The following CDH12 variants were observed in gnomAD, a reference collection of about 807,000 sequenced individuals.
CDH12 encodes cadherin 12, also known as cadherin-12.
A neutral mutation model predicts 74.1 loss-of-function variants in CDH12; 41 were observed. That is an observed-to-expected ratio of 0.55 (90% CI 0.43 to 0.72). The LOEUF (loss-of-function observed/expected upper bound fraction) is 0.72. CDH12 is among the 30% of genes least tolerant of loss of function. CDH12 has a pLI of 0.00. For missense variants in CDH12, 945 were observed against 977.2 expected (o/e 0.97, Z 0.44); for synonymous variants, 399 against 355.0 (o/e 1.12, Z -1.39).
chr5:22,028,970 G>T lies in CDH12; in HGVS notation c.231+49476C>A, dbSNP rs559211777. On this transcript the variant is annotated intron_variant, in intron 5 of 14. Transcript: ENST00000382254. Reference sequence around the variant, plus strand: ...AGAAATAACGCCACATATCTACAGCGATCTGATCTTTGACAAACCTGAGAA... The same window carrying T: ...AGAAATAACGCCACATATCTACAGCTATCTGATCTTTGACAAACCTGAGAA... Among the ~76,000 whole-genome samples the T allele has an allele frequency of 8.7e-4, 133 of 152,054 alleles. 3 individuals carry two copies. The South Asian group carries it at 0.022, about 25-fold the overall frequency.
At position 22,694,962 on chromosome 5, in the gene CDH12, G is replaced by A. The variant is rs1742274524; in HGVS notation, c.-523+158096C>T. On this transcript the variant is annotated intron_variant, in intron 1 of 14. Transcript: ENST00000382254. ...AGGTTTTAAGCCCCGCATGCATTAG[G>A]TATTTGTCCTAATGCTCTCCCTCCC... 4.6e-5 allele frequency among the ~76,000 whole-genome samples: 7 copies of A among 152,090 alleles called. No individual in the cohort carries two copies. The South Asian group carries it at 1.5e-3, about 32-fold the overall frequency.
At chr5:21,882,317 A>G (rs1456991274) in intron 6 of CDH12, among the ~76,000 whole-genome samples, 1 of 152,236 alleles carries the variant, frequency 6.6e-6, no homozygotes, top group East Asian at 1.9e-4. Flanking sequence ...AGGATGACGT[A>G]AAGCAATCAT....
chr5:21,883,921 T>A, intron 6 of CDH12: 2 of 1,608,716 alleles, frequency 1.2e-6, no homozygotes, highest in Non-Finnish European at 1.7e-6. Flanking sequence ...GGTTTTGCCC[T>A]CCTTCGATGC....
At chr5:22,768,978 G>A (rs982121408) in intron 1 of CDH12, among the ~76,000 whole-genome samples, 4 of 151,856 alleles carry the variant, frequency 2.6e-5, no homozygotes, top group African/African-American at 4.8e-5. Context: ...TCCTCTCTTC[G>A]CTTAGGTTGT....
chr5:22,343,303 CACACACACAG>C, intron 3 of CDH12, among the ~76,000 whole-genome samples: 1 of 134,410 alleles, frequency 7.4e-6, no homozygotes, highest in South Asian at 2.6e-4. Flanking sequence ...CACACACACA[CACACACACAG>C]ACACACACAC....
At chr5:22,436,989 CTTTAA>C (rs778624628) in intron 2 of CDH12, among the ~76,000 whole-genome samples, 14 of 152,042 alleles carry the variant, frequency 9.2e-5, no homozygotes, top group Admixed American at 2.0e-4. Flanking sequence ...AAAAGTCAGT[CTTTAA>C]TTTAATCTAT....
intron 4 of CDH12, among the ~76,000 whole-genome samples, chr5:22,158,906 A>G (rs1484597707): frequency 6.6e-6 from 1 of 152,134 alleles, no homozygotes; most frequent in East Asian, 1.9e-4. Context: ...GTGTCCCTTC[A>G]GCTTTGAAAT....
chr5:22,677,053 A>G (rs1741230283), intron 1 of CDH12, among the ~76,000 whole-genome samples: 1 of 152,150 alleles, frequency 6.6e-6, no homozygotes, highest in African/African-American at 2.4e-5. Flanking sequence ...AGAAATTCTG[A>G]CAAAAAAAGT....
At chr5:22,177,070 G>T (rs540214244) in intron 4 of CDH12, among the ~76,000 whole-genome samples, 7 of 152,046 alleles carry the variant, frequency 4.6e-5, no homozygotes, top group Non-Finnish European at 5.9e-5. Flanking sequence ...GACATAATAC[G>T]TATTTGTTTC....
At chr5:22,457,056 A>T (rs1353956163) in intron 2 of CDH12, among the ~76,000 whole-genome samples, 1 of 152,148 alleles carries the variant, frequency 6.6e-6, no homozygotes, top group Non-Finnish European at 1.5e-5. Context: ...GAAAGCAATC[A>T]AGCTTTCAGA....
Position 22,382,819 on chromosome 5 carries a change from C to CATTATT in CDH12, c.-333+22432_-333+22437dup, listed in dbSNP as rs10567578. Among the ~76,000 whole-genome samples the CATTATT allele has an allele frequency of 2.3e-4, 34 of 150,666 alleles. No homozygotes were observed. In the South Asian group the frequency reaches 3.2e-3, roughly 14 times the overall value. The stretch of plus-strand genomic sequence containing the variant: ...GACCTTGGACTAAATTTCATGTTAT[C>CATTATT]ATTATTATTATTATTATTATTATTT... On this transcript the variant is annotated intron_variant, in intron 3 of 14. Coordinates refer to ENST00000382254, the MANE Select transcript of CDH12 (RefSeq NM_004061.5).
At chr5:22,328,004 A>G (rs949312342) in intron 3 of CDH12, among the ~76,000 whole-genome samples, 7 of 152,230 alleles carry the variant, frequency 4.6e-5, no homozygotes, top group African/African-American at 1.7e-4. Flanking sequence ...GTGAGTGTGT[A>G]ATCTAAGAAT....
rs751199723 is a variant in CDH12 at position 22,813,626 on chromosome 5, TGAG to T, written c.-523+39429_-523+39431del. Among the ~76,000 whole-genome samples the T allele has an allele frequency of 3.3e-5, 5 of 152,076 alleles. No individual in the cohort carries two copies. In the East Asian group the frequency reaches 9.7e-4, roughly 29 times the overall value. The stretch of plus-strand genomic sequence containing the variant: ...TACATACAATTGTAAGCAATATTTC[TGAG>T]GAGATTTACTCTCCCCTGTTGGCCT... On this transcript the variant is annotated intron_variant, in intron 1 of 14. Coordinates refer to ENST00000382254, the MANE Select transcript of CDH12 (RefSeq NM_004061.5).
chr5:21,880,616 CTTCTTTCTTTCTTTCT>C lies in CDH12; in HGVS notation c.527-25842_527-25827del, dbSNP rs201513323. 9.5e-3 allele frequency among the ~76,000 whole-genome samples: 482 copies of C among 50,782 alleles called. 25 individuals carry two copies. Among genetic ancestry groups the C allele is most frequent in the African/African-American group, 0.014 (159 of 11,384 alleles). 33.3% of individuals were successfully genotyped at this position (50,782 alleles called of 152,430 possible). A position where few individuals can be genotyped will look rare whatever the true frequency, so the allele number is the denominator to read the frequency against. ...CCTTCCTTCCTTCCTTCCTTCCTTC[CTTCTTTCTTTCTTTCT>C]TTCTTTCTTTCTTTCTTTCTTTCTT... On this transcript the variant is annotated intron_variant, in intron 6 of 14. Transcript: ENST00000382254.
chr5:21,782,268 C>T (rs1212709509), intron 11 of CDH12, among the ~76,000 whole-genome samples: 3 of 152,138 alleles, frequency 2.0e-5, no homozygotes, highest in Non-Finnish European at 4.4e-5. Context: ...AGTGTTCCAA[C>T]GAGCAAGGCA....
chr5:22,774,992 A>C (rs973355841), intron 1 of CDH12, among the ~76,000 whole-genome samples: 4 of 151,844 alleles, frequency 2.6e-5, no homozygotes, highest in African/African-American at 9.7e-5. Context: ...AATAAAAGTC[A>C]CAATTATAAA....
chr5:22,459,269 G>A (rs930382102), intron 2 of CDH12, among the ~76,000 whole-genome samples: 1 of 151,912 alleles, frequency 6.6e-6, no homozygotes, highest in Non-Finnish European at 1.5e-5. Flanking sequence ...ATATTTAAAT[G>A]AGTATAAGTA....
At chr5:21,890,925 T>C (rs936645053) in intron 6 of CDH12, among the ~76,000 whole-genome samples, 2 of 151,882 alleles carry the variant, frequency 1.3e-5, no homozygotes, top group African/African-American at 4.8e-5. Context: ...GGGAGAAAAA[T>C]TGGATTTTCT....
intron 3 of CDH12, among the ~76,000 whole-genome samples, chr5:22,268,919 A>G (rs1736257263): frequency 2.0e-5 from 3 of 152,130 alleles, no homozygotes; most frequent in African/African-American, 4.8e-5. Context: ...GTAAATGCAC[A>G]TAAATGTGTA....
Sources: gnomAD v4.1 joint callset for allele counts (sites outside exome capture counted in the v4.1 genomes callset) on GRCh38, gnomAD v4.1.1 for gene constraint, MANE v1.5 for transcripts, NCBI Gene and HGNC (gene_info 2026-07-23, HGNC 2026-07-21) for gene names.